The following ERC2 variants were observed in gnomAD, a reference collection of about 807,000 sequenced individuals.
ERC2 encodes the protein ERC protein 2.
A neutral mutation model predicts 114.8 loss-of-function variants in ERC2; 42 were observed. That is an observed-to-expected ratio of 0.37 (90% confidence interval 0.29 to 0.47). The LOEUF is 0.47. Ranked by LOEUF, ERC2 falls within the 20% of genes least tolerant of loss-of-function variation. ERC2 has a pLI of 0.99. For synonymous variants in ERC2, 454 were observed against 425.5 expected, an observed-to-expected ratio of 1.07 and a Z score of -0.82; for missense variants, 939 against 1,150.7, an observed-to-expected ratio of 0.82 and a Z score of 2.66.
At chr3:55,824,014 C>T (rs1249880677) in intron 14 of ERC2, among the ~76,000 whole-genome samples, 4 of 152,196 alleles carry the variant, frequency 2.6e-5, no homozygotes, top group Admixed American at 6.5e-5. Flanking sequence ...TTGCTGTGTC[C>T]TCACATGGTC....
chr3:55,989,385 G>A lies in ERC2; in HGVS notation c.2255+2672C>T, dbSNP rs1374314131. Among the ~76,000 whole-genome samples, 3 of 152,212 alleles carry A rather than the reference G, an allele frequency of 2.0e-5. No individual in the cohort carries two copies. In the East Asian group the frequency reaches 5.8e-4, roughly 29 times the overall value. ...TGTTTATATGTAAATGTTTATAGTA[G>A]CTTGTCCTGATTTTCAATTACAGTT... On this transcript the variant is annotated intron_variant, in intron 11 of 17. Transcript: ENST00000288221.
intron 17 of ERC2, among the ~76,000 whole-genome samples, chr3:55,530,188 T>C (rs1414199757): frequency 1.3e-5 from 2 of 152,314 alleles, no homozygotes; most frequent in South Asian, 2.1e-4. Flanking sequence ...TACCTTATTC[T>C]GGGGAATAAA....
chr3:55,810,918 C>T (rs80075995), intron 14 of ERC2, among the ~76,000 whole-genome samples: 21,657 of 152,104 alleles, frequency 0.14, 1,744 homozygotes, highest in East Asian at 0.23. Flanking sequence ...ATGTATCTGT[C>T]TAGTAGTTTC....
intron 14 of ERC2, among the ~76,000 whole-genome samples, chr3:55,735,676 G>A (rs188623061): frequency 1.2e-4 from 19 of 152,102 alleles, no homozygotes; most frequent in Admixed American, 5.9e-4. Context: ...GAACTTTTGG[G>A]GGATACATTC....
chr3:55,554,886 C>T lies in ERC2; in HGVS notation c.*40-43610G>A, dbSNP rs560886251. 4.6e-5 allele frequency among the ~76,000 whole-genome samples: 7 copies of T among 152,282 alleles called. No homozygotes were observed. The South Asian group carries it at 6.2e-4, about 14-fold the overall frequency. ...CAAGAGAGGATGCAGCTGCTCTGCC[C>T]GCTAAGCTTTCAGCTTACCCCAGCC... On this transcript the variant is annotated intron_variant, in intron 17 of 17. Coordinates refer to ENST00000288221, the MANE Select transcript of ERC2 (RefSeq NM_015576.3).
At chr3:56,350,948 A>G (rs1172277373) in intron 2 of ERC2, among the ~76,000 whole-genome samples, 1 of 152,180 alleles carries the variant, frequency 6.6e-6, no homozygotes, top group Non-Finnish European at 1.5e-5. Context: ...TACAGGTGAG[A>G]CTACAAAAGC....
At chr3:55,627,656 A>G (rs893310802) in intron 17 of ERC2, among the ~76,000 whole-genome samples, 1 of 152,118 alleles carries the variant, frequency 6.6e-6, no homozygotes, top group African/African-American at 2.4e-5. Flanking sequence ...AGGACCATAG[A>G]GCTGCTCAGG....
chr3:55,511,465 A>C (rs1165314797), intron 17 of ERC2, among the ~76,000 whole-genome samples, 189 bp from the exon 18 acceptor site: 1 of 152,218 alleles, frequency 6.6e-6, no homozygotes, highest in Non-Finnish European at 1.5e-5. Flanking sequence ...GGAAACAGAA[A>C]GATAAACTAC....
intron 17 of ERC2, among the ~76,000 whole-genome samples, chr3:55,517,574 AAAGT>A (rs1400304263): frequency 6.6e-6 from 1 of 152,224 alleles, no homozygotes; most frequent in Non-Finnish European, 1.5e-5. Flanking sequence ...CATGGCTATT[AAAGT>A]AAAAGTGCTT....
At chr3:56,434,153 C>A in intron 2 of ERC2, 198 bp downstream of exon 2, 895 of 418,478 alleles carry the variant, frequency 2.1e-3, no homozygotes, top group Middle Eastern at 5.6e-3. Flanking sequence ...AAAAGGTTAT[C>A]GGAAAATAAG....
chr3:55,824,959 G>A (rs1237601127), intron 14 of ERC2, among the ~76,000 whole-genome samples: 1 of 152,124 alleles, frequency 6.6e-6, no homozygotes, highest in African/African-American at 2.4e-5. Flanking sequence ...TTTTAGATAA[G>A]CCAAATAACT....
At chr3:55,558,759 C>T (rs937443039) in intron 17 of ERC2, among the ~76,000 whole-genome samples, 4 of 152,144 alleles carry the variant, frequency 2.6e-5, no homozygotes, top group East Asian at 1.9e-4. Flanking sequence ...TTTTAATATG[C>T]GCCTCATAAT....
At chr3:55,719,666 C>G (rs1330724240) in intron 15 of ERC2, among the ~76,000 whole-genome samples, 3 of 152,122 alleles carry the variant, frequency 2.0e-5, no homozygotes, top group Admixed American at 6.6e-5. Context: ...ACTTAAGTGT[C>G]TGGTTCATAA....
chr3:56,224,584 G>C (rs1021603638), intron 3 of ERC2, among the ~76,000 whole-genome samples: 12 of 151,998 alleles, frequency 7.9e-5, no homozygotes. Context: ...ATAGAACTTT[G>C]AGCAACTCTG....
At chr3:55,671,106 T>C (rs1306105590) in intron 17 of ERC2, among the ~76,000 whole-genome samples, 1 of 152,184 alleles carries the variant, frequency 6.6e-6, no homozygotes, top group Non-Finnish European at 1.5e-5. Context: ...CACCTATCTG[T>C]ATGGACAGAT....
At chr3:55,737,948 T>C (rs982762861) in intron 14 of ERC2, among the ~76,000 whole-genome samples, 2 of 152,196 alleles carry the variant, frequency 1.3e-5, no homozygotes, top group African/African-American at 4.8e-5. Context: ...TTATAAAATA[T>C]TCAGATTCTC....
intron 14 of ERC2, 90 bp downstream of exon 14, chr3:55,888,299 C>A (rs2063444721): frequency 5.0e-6 from 7 of 1,407,206 alleles, no homozygotes; most frequent in Non-Finnish European, 6.7e-6. Flanking sequence ...TTTTTCTGAG[C>A]TCTTTCTTCA....
At chr3:56,425,563 T>TC (rs1553626000) in intron 2 of ERC2, among the ~76,000 whole-genome samples, 2 of 58,584 alleles carry the variant, frequency 3.4e-5, no homozygotes, top group Admixed American at 1.3e-4. Flanking sequence ...CCTTTTTCTT[T>TC]TTTTTTTTTT....
rs139092451 is a variant in ERC2, at chr3:56,320,109, G to A, written c.658-23674C>T. 3.8e-3 allele frequency among the ~76,000 whole-genome samples: 578 copies of A among 152,262 alleles called. 1 individual carries two copies. The highest frequency in any genetic ancestry group is 0.013 in the African/African-American group (557 of 41,534). On this transcript the variant is annotated intron_variant, in intron 2 of 17. Transcript: ENST00000288221. ...AGGAGTTCCTCCAAGGGAATACAACGGGGAGGCTTTTATAGGATAAACACA... is the reference window on the plus strand; with the variant it reads ...AGGAGTTCCTCCAAGGGAATACAACAGGGAGGCTTTTATAGGATAAACACA...
Sources: gnomAD v4.1 joint callset for allele counts (sites outside exome capture counted in the v4.1 genomes callset) on GRCh38, gnomAD v4.1.1 for gene constraint, MANE v1.5 for transcripts, NCBI Gene and HGNC (gene_info 2026-07-23, HGNC 2026-07-21) for gene names.